Variants in PDGFC observed in about 807,000 individuals in gnomAD.
PDGFC encodes the protein platelet derived growth factor C, also known as platelet-derived growth factor C.
In PDGFC, 12 loss-of-function variants were observed where a neutral mutation model predicts 35.5. That is an observed-to-expected ratio of 0.34 (90% CI 0.22 to 0.55). The LOEUF (loss-of-function observed/expected upper bound fraction) is 0.55, where lower values mean the gene tolerates loss of function less well. Among genes scored for constraint, PDGFC ranks in the 20% least tolerant of loss-of-function variants. PDGFC has a pLI of 0.91. For synonymous variants in PDGFC, 159 were observed against 148.8 expected, an observed-to-expected ratio of 1.07 and a Z score of -0.50; for missense variants, 322 against 412.4, an observed-to-expected ratio of 0.78 and a Z score of 1.90.
chr4:156,802,034 C>T (rs1231370018), intron 3 of PDGFC, among the ~76,000 whole-genome samples: 2 of 152,128 alleles, frequency 1.3e-5, no homozygotes, highest in African/African-American at 4.8e-5. Context: ...CTACCTGCCC[C>T]TTTTTTCTTG....
chr4:156,955,578 A>G (rs1489361659), intron 1 of PDGFC, among the ~76,000 whole-genome samples: 1 of 152,042 alleles, frequency 6.6e-6, no homozygotes, highest in African/African-American at 2.4e-5. Flanking sequence ...ATAATACGAA[A>G]AATGTAAAAT....
chr4:156,762,761 C>A lies in PDGFC; in HGVS notation c.*329G>T, dbSNP rs567247597. On this transcript the variant is annotated 3_prime_UTR_variant, in exon 6 of 6. Transcript: ENST00000502773. Reference sequence around the variant, plus strand: ...GTACTGACATTACCCTAAGCCGTATCGAAAGAACTGAAATACAGAACCCAG... The same window carrying A: ...GTACTGACATTACCCTAAGCCGTATAGAAAGAACTGAAATACAGAACCCAG... The A allele has an allele frequency of 7.4e-4, 145 of 195,396 alleles. No individual in the cohort carries two copies. Among genetic ancestry groups the A allele is most frequent in the Non-Finnish European group, 1.1e-3 (100 of 94,990 alleles). The allele number at this position is 195,396 out of a possible 1,614,324, so 12.1% of individuals were successfully genotyped here.
chr4:156,914,806 C>T (rs1307562161), intron 1 of PDGFC, among the ~76,000 whole-genome samples: 1 of 152,100 alleles, frequency 6.6e-6, no homozygotes, highest in East Asian at 1.9e-4. Context: ...AAACTACAGA[C>T]TGGAAAGAGA....
At chr4:156,964,921 G>A (rs1045194834) in intron 1 of PDGFC, among the ~76,000 whole-genome samples, 1 of 152,096 alleles carries the variant, frequency 6.6e-6, no homozygotes, top group Non-Finnish European at 1.5e-5. Context: ...AGATTTTGGA[G>A]GCTTGTCATC....
Position 156,761,359 on chromosome 4 carries a change from G to C in PDGFC, c.*1731C>G, listed in dbSNP as rs1226589250. ...ATACTACCATACCACCTATCACCAA[G>C]CATTTCATAAACCATACAACTTTCA... On this transcript the variant is annotated 3_prime_UTR_variant, in exon 6 of 6. Coordinates refer to ENST00000502773, the MANE Select transcript of PDGFC (RefSeq NM_016205.3). The C allele has an allele frequency of 4.6e-5, 7 of 152,052 alleles. No homozygotes were observed. The highest frequency in any genetic ancestry group is 8.8e-5 in the Non-Finnish European group (6 of 68,008). The allele number at this position is 152,052 out of a possible 1,614,324, so 9.4% of individuals were successfully genotyped here.
intron 5 of PDGFC, among the ~76,000 whole-genome samples, chr4:156,764,370 T>C (rs1407849926): frequency 1.3e-5 from 2 of 152,210 alleles, no homozygotes; most frequent in African/African-American, 2.4e-5. Flanking sequence ...ATAACGTTTT[T>C]ACATACTTTA....
chr4:156,836,700 C>T (rs902793463), intron 2 of PDGFC, among the ~76,000 whole-genome samples: 1 of 152,196 alleles, frequency 6.6e-6, no homozygotes, highest in Non-Finnish European at 1.5e-5. Flanking sequence ...TGTACCTTCA[C>T]ATGTGAATCA....
intron 1 of PDGFC, among the ~76,000 whole-genome samples, chr4:156,936,058 G>A (rs1731673106): frequency 6.6e-6 from 1 of 152,148 alleles, no homozygotes; most frequent in Non-Finnish European, 1.5e-5. Flanking sequence ...GGTCATTGGA[G>A]ATTAATATTA....
At chr4:156,803,984 A>G (rs1731685760) in intron 3 of PDGFC, among the ~76,000 whole-genome samples, 1 of 152,112 alleles carries the variant, frequency 6.6e-6, no homozygotes, top group African/African-American at 2.4e-5. Flanking sequence ...CAAAATTGAT[A>G]GTCTTTAATA....
At chr4:156,842,112 T>G (rs1449006760) in intron 2 of PDGFC, 1 of 152,138 alleles carries the variant, frequency 6.6e-6, no homozygotes, top group Non-Finnish European at 1.5e-5. Flanking sequence ...CATTTAACAC[T>G]CTAAGTTATT....
At chr4:156,852,579 G>A (rs979235557) in intron 1 of PDGFC, among the ~76,000 whole-genome samples, 1 of 152,048 alleles carries the variant, frequency 6.6e-6, no homozygotes, top group African/African-American at 2.4e-5. Context: ...ATTCTAAAAT[G>A]ATCTCCAATT....
intron 2 of PDGFC, among the ~76,000 whole-genome samples, chr4:156,831,693 C>T (rs1021690482): frequency 3.3e-5 from 5 of 151,802 alleles, no homozygotes; most frequent in Admixed American, 1.3e-4. Context: ...CCATCCACCT[C>T]GGCCTCCCAA....
chr4:156,911,009 T>G (rs1178584305), intron 1 of PDGFC, among the ~76,000 whole-genome samples: 1 of 152,194 alleles, frequency 6.6e-6, no homozygotes, highest in African/African-American at 2.4e-5. Context: ...TTTCATCCTC[T>G]TAACGCGGTG....
chr4:156,796,845 T>C (rs895082024), intron 3 of PDGFC, among the ~76,000 whole-genome samples: 1 of 152,124 alleles, frequency 6.6e-6, no homozygotes, highest in Non-Finnish European at 1.5e-5. Context: ...CAACTTAATA[T>C]AAACTTATAG....
chr4:156,888,865 G>A (rs1730438017), intron 1 of PDGFC, among the ~76,000 whole-genome samples: 1 of 152,152 alleles, frequency 6.6e-6, no homozygotes, highest in Non-Finnish European at 1.5e-5. Flanking sequence ...CACATAATTA[G>A]AGAGATTGCT....
intron 4 of PDGFC, chr4:156,770,415 G>C (rs797010486): frequency 1.3e-5 from 2 of 151,854 alleles, no homozygotes; most frequent in African/African-American, 2.4e-5. Flanking sequence ...GGCTTCAAAC[G>C]CATATAAGCT....
chr4:156,818,633 G>A (rs1009974285), intron 2 of PDGFC, among the ~76,000 whole-genome samples: 18 of 144,904 alleles, frequency 1.2e-4, no homozygotes, highest in African/African-American at 4.6e-4. Context: ...CCATTCTCCT[G>A]CCTCAGCCTC....
intron 3 of PDGFC, among the ~76,000 whole-genome samples, chr4:156,789,665 G>A (rs1477561774): frequency 6.6e-6 from 1 of 152,120 alleles, no homozygotes; most frequent in African/African-American, 2.4e-5. Flanking sequence ...AAGACTTTAT[G>A]AGACATCACT....
intron 3 of PDGFC, among the ~76,000 whole-genome samples, 174 bp from the exon 4 acceptor site, chr4:156,773,067 G>T (rs1480035455): frequency 6.6e-6 from 1 of 152,170 alleles, no homozygotes; most frequent in Admixed American, 6.5e-5. Context: ...AACTCTGATA[G>T]ATTTCCTGTA....
Sources: gnomAD v4.1 joint callset for allele counts (sites outside exome capture counted in the v4.1 genomes callset) on GRCh38, gnomAD v4.1.1 for gene constraint, MANE v1.5 for transcripts, NCBI Gene and HGNC (gene_info 2026-07-23, HGNC 2026-07-21) for gene names.